The following INTS15 variants were observed in gnomAD, a reference collection of about 807,000 sequenced individuals.
INTS15 encodes the protein uncharacterized protein C7orf26.
the INTS15 span, among the ~76,000 whole-genome samples, chr7:6,591,268 CT>C: frequency 0.33 from 43,918 of 131,408 alleles, 6,413 homozygotes; most frequent in African/African-American, 0.42. Context: ...TCCTGTTTTT[CT>C]TTTTTTTTTT....
the INTS15 span, among the ~76,000 whole-genome samples, chr7:6,598,149 A>G: frequency 1.3e-5 from 2 of 152,092 alleles, no homozygotes; most frequent in Non-Finnish European, 2.9e-5. Context: ...GTGTTGCCCA[A>G]ACAGAAACAT....
the INTS15 span, among the ~76,000 whole-genome samples, chr7:6,595,778 G>T: frequency 6.6e-6 from 1 of 152,040 alleles, no homozygotes; most frequent in East Asian, 1.9e-4. Context: ...AAACTCTTAG[G>T]CTCAAGTGAT....
the INTS15 span, chr7:6,591,777 C>T: frequency 1.9e-6 from 3 of 1,614,148 alleles, no homozygotes; most frequent in Admixed American, 1.7e-5. Context: ...AAGCCGATGA[C>T]AGCCGGATGA....
the INTS15 span, chr7:6,607,831 C>A: frequency 6.6e-7 from 1 of 1,510,440 alleles, no homozygotes; most frequent in Non-Finnish European, 8.8e-7. The surrounding 1 kb of genome is among the most constrained non-coding windows in gnomAD (Gnocchi z 6.0). Flanking sequence ...CCGCCTGGAC[C>A]CCCGGGTGGT....
chr7:6,594,872 C>T, the INTS15 span, among the ~76,000 whole-genome samples: 7 of 151,854 alleles, frequency 4.6e-5, no homozygotes, highest in African/African-American at 1.5e-4. Context: ...AGCAGGCATG[C>T]GCCACTACTC....
chr7:6,608,617 C>G, the INTS15 span: 2 of 711,930 alleles, frequency 2.8e-6, no homozygotes, highest in African/African-American at 3.8e-5. Context: ...TGCAGCACTG[C>G]TCAGGGAGGC....
At chr7:6,591,225 G>A in the INTS15 span, among the ~76,000 whole-genome samples, 1 of 151,952 alleles carries the variant, frequency 6.6e-6, no homozygotes, top group African/African-American at 2.4e-5. Context: ...ACTTTACGAA[G>A]GGCGAAAAGT....
chr7:6,602,004 C>G, the INTS15 span: 23 of 1,104,998 alleles, frequency 2.1e-5, no homozygotes, highest in South Asian at 2.8e-4. Flanking sequence ...ATGAGGCGCT[C>G]TTGCTGTCTT....
chr7:6,604,756 C>A, the INTS15 span, among the ~76,000 whole-genome samples: 1 of 152,172 alleles, frequency 6.6e-6, no homozygotes, highest in African/African-American at 2.4e-5. Flanking sequence ...GGAACCGCAT[C>A]CTTGTGTGGG....
At chr7:6,608,339 G>T in the INTS15 span, 1 of 1,426,976 alleles carries the variant, frequency 7.0e-7, no homozygotes, top group Non-Finnish European at 9.1e-7. Flanking sequence ...TCTTTGACAT[G>T]CAGATTGGAT....
the INTS15 span, chr7:6,594,480 G>A: frequency 6.2e-7 from 1 of 1,614,120 alleles, no homozygotes; most frequent in Non-Finnish European, 8.5e-7. Context: ...GGCCCTTGTA[G>A]ATGACTACTG....
At chr7:6,602,093 A>G in the INTS15 span, 1 of 1,612,372 alleles carries the variant, frequency 6.2e-7, no homozygotes, top group East Asian at 2.2e-5. Flanking sequence ...GTATCTCCTT[A>G]ATTGCAGATG....
the INTS15 span, chr7:6,608,276 CG>C: frequency 6.8e-7 from 1 of 1,470,156 alleles, no homozygotes; most frequent in Non-Finnish European, 9.0e-7. Flanking sequence ...CCCTCCCCGC[CG>C]GCAGAACCGT....
the INTS15 span, among the ~76,000 whole-genome samples, chr7:6,591,199 G>A: frequency 1.3e-5 from 2 of 151,574 alleles, no homozygotes; most frequent in African/African-American, 2.4e-5. Context: ...TACGAAGGGC[G>A]AAAAGTTCTA....
At chr7:6,604,824 C>T in the INTS15 span, among the ~76,000 whole-genome samples, 3 of 152,130 alleles carry the variant, frequency 2.0e-5, no homozygotes, top group East Asian at 1.9e-4. Flanking sequence ...AGGGAGGAGC[C>T]GGGGCAGATG....
At chr7:6,607,883 G>A in the INTS15 span, 19 of 1,571,034 alleles carry the variant, frequency 1.2e-5, no homozygotes, top group East Asian at 2.3e-5. This position sits in a 1 kb window ranked among gnomAD's most constrained non-coding sequence, Gnocchi z 6.0. Context: ...GGTGCGGGGG[G>A]ACGGGGTCAG....
chr7:6,608,076 A>AACCCC, the INTS15 span: 6 of 1,143,466 alleles, frequency 5.2e-6, no homozygotes, highest in African/African-American at 2.4e-5. Flanking sequence ...GTCCCGGCCC[A>AACCCC]CCCCGCCGCC....
chr7:6,607,382 T>TGCTGGGC, the INTS15 span, among the ~76,000 whole-genome samples: 2 of 122,260 alleles, frequency 1.6e-5, no homozygotes, highest in Admixed American at 9.3e-5. This position sits in a 1 kb window ranked among gnomAD's most constrained non-coding sequence, Gnocchi z 6.0. Context: ...CGGTGCTGGG[T>TGCTGGGC]GCTGGGCGGG....
chr7:6,593,131 C>G, the INTS15 span, among the ~76,000 whole-genome samples: 2 of 152,122 alleles, frequency 1.3e-5, no homozygotes, highest in Admixed American at 1.3e-4. Flanking sequence ...CAAGAGCTGG[C>G]AGATGTTTTA....
Sources: allele counts gnomAD v4.1 joint callset (sites outside exome capture counted in the v4.1 genomes callset), GRCh38; gene constraint gnomAD v4.1.1; non-coding constraint Gnocchi (gnomAD v3.1); transcripts MANE v1.5; gene names NCBI Gene and HGNC (gene_info 2026-07-23, HGNC 2026-07-21).